The following FRMPD4 variants were observed in gnomAD, a reference collection of about 807,000 sequenced individuals.
FRMPD4 encodes the protein FERM and PDZ domain containing 4.
In FRMPD4, 22 loss-of-function variants were observed where a neutral mutation model predicts 94.1. The ratio of observed to expected loss-of-function variants is 0.23; its 90% CI spans 0.17 to 0.33. FRMPD4 has a LOEUF of 0.33. FRMPD4 is among the 10% of genes least tolerant of loss of function. The pLI is 1.00. For synonymous variants in FRMPD4, 631 were observed against 548.6 expected, an observed-to-expected ratio of 1.15 and a Z score of -2.10; for missense variants, 1,111 against 1,339.9, an observed-to-expected ratio of 0.83 and a Z score of 2.67.
intron 3 of FRMPD4, among the ~76,000 whole-genome samples, chrX:11,967,572 T>C (rs757559712): frequency 9.0e-6 from 1 of 111,576 alleles, no homozygotes; most frequent in African/African-American, 3.2e-5. Context: ...TAGGATCTGA[T>C]CATTTGCATT....
chrX:12,599,921 AAG>A (rs1491391003), intron 2 of FRMPD4, among the ~76,000 whole-genome samples: 22 of 83,220 alleles, frequency 2.6e-4, no homozygotes, highest in African/African-American at 1.7e-3. Context: ...AATATATGTT[AAG>A]AGGTGTTGAA....
At chrX:12,604,861 T>C (rs1309985028) in intron 2 of FRMPD4, among the ~76,000 whole-genome samples, 2 of 111,448 alleles carry the variant, frequency 1.8e-5, no homozygotes, top group African/African-American at 6.5e-5. Context: ...TTCCCCTCTA[T>C]GTGTCCATGT....
At chrX:11,954,596 G>T (rs1569131955) in intron 3 of FRMPD4, among the ~76,000 whole-genome samples, 1 of 111,577 alleles carries the variant, frequency 9.0e-6, no homozygotes. Flanking sequence ...GAGGGAAAAA[G>T]GTTAATTTTT....
At chrX:12,390,387 A>G (rs999211159) in intron 1 of FRMPD4, among the ~76,000 whole-genome samples, 1 of 112,581 alleles carries the variant, frequency 8.9e-6, no homozygotes, top group Non-Finnish European at 1.9e-5. Context: ...TGTTCGTGAG[A>G]TGATCACTTT....
At chrX:12,414,692 A>C (rs1256496254) in intron 1 of FRMPD4, among the ~76,000 whole-genome samples, 1 of 111,860 alleles carries the variant, frequency 8.9e-6, no homozygotes, top group Non-Finnish European at 1.9e-5. Context: ...AGGGAGCCCA[A>C]AAATAATGAA....
intron 2 of FRMPD4, among the ~76,000 whole-genome samples, chrX:12,547,011 T>TAAAA (rs57946725): frequency 1.0e-3 from 34 of 33,767 alleles, no homozygotes; most frequent in African/African-American, 3.5e-3. Flanking sequence ...ACTGTCTCTT[T>TAAAA]AAAAAAAAAA....
chrX:12,326,970 A>T (rs1319930661), intron 1 of FRMPD4, among the ~76,000 whole-genome samples: 3 of 110,948 alleles, frequency 2.7e-5, no homozygotes, highest in Non-Finnish European at 5.7e-5. Context: ...TCAAAAAAAA[A>T]TTAATTTCCA....
chrX:12,039,464 A>G lies in FRMPD4; in HGVS notation c.95+161446A>G, dbSNP rs1302558799. On this transcript the variant is annotated intron_variant, in intron 3 of 18. Transcript: ENST00000640291. The stretch of plus-strand genomic sequence containing the variant: ...CCTGATTTTGTCTTAATTCAGCTCA[A>G]ATACTTTCTAATTTTCCTTTTTATT... 9.9e-5 allele frequency among the ~76,000 whole-genome samples: 11 copies of G among 110,781 alleles called. No individual in the cohort carries two copies. The Admixed American group carries it at 1.1e-3, about 11-fold the overall frequency.
intron 1 of FRMPD4, among the ~76,000 whole-genome samples, chrX:12,426,161 T>C (rs1460315350): frequency 1.8e-5 from 2 of 112,288 alleles, no homozygotes; most frequent in African/African-American, 6.5e-5. Context: ...ACTAGAGGGA[T>C]TGATCCCTCT....
At position 12,250,985 on chromosome X, in the gene FRMPD4, C is replaced by T. The variant is rs182025346; in HGVS notation, c.41+111973C>T. On this transcript the variant is annotated intron_variant, in intron 1 of 16. Coordinates refer to ENST00000675598, the MANE Select transcript of FRMPD4 (RefSeq NM_001368397.1). ...CCAGCTGAGTTTTGTTGTTCCCCTG[C>T]TTAAAACTAACTTTACTATGAGCAC... Among the ~76,000 whole-genome samples the T allele has an allele frequency of 4.5e-5, 5 of 112,160 alleles. No homozygotes were observed. The East Asian group carries it at 1.1e-3, about 25-fold the overall frequency.
chrX:12,563,027 A>G (rs1242301006), intron 2 of FRMPD4, among the ~76,000 whole-genome samples: 1 of 111,449 alleles, frequency 9.0e-6, no homozygotes, highest in Admixed American at 9.6e-5. Context: ...TGTTAAAAAT[A>G]TTTTAACAAC....
rs924753947 is a variant in FRMPD4, at chrX:11,849,966, A to G, written c.-160-15120A>G. ...ATTTAAAACATCTGTGCATCAAAGGACACAATCAACAGAATGGAAAGCCAA... is the reference window on the plus strand; with the variant it reads ...ATTTAAAACATCTGTGCATCAAAGGGCACAATCAACAGAATGGAAAGCCAA... On this transcript the variant is annotated intron_variant, in intron 1 of 18. Coordinates refer to the FRMPD4 transcript ENST00000640291. Among the ~76,000 whole-genome samples the G allele has an allele frequency of 1.5e-4, 17 of 112,168 alleles. No homozygotes were observed. The Admixed American group carries it at 1.5e-3, about 10-fold the overall frequency.
intron 1 of FRMPD4, among the ~76,000 whole-genome samples, chrX:12,153,627 T>C (rs911475078): frequency 8.9e-6 from 1 of 112,523 alleles, no homozygotes; most frequent in Non-Finnish European, 1.9e-5. Context: ...GGCTAGCTAT[T>C]ATAGGTATAT....
intron 1 of FRMPD4, among the ~76,000 whole-genome samples, chrX:12,304,034 A>G (rs1268675735): frequency 8.9e-6 from 1 of 112,337 alleles, no homozygotes; most frequent in Non-Finnish European, 1.9e-5. Context: ...GATCACTGTC[A>G]TCTAGGCAAT....
In FRMPD4 at chrX:12,392,510, C is replaced by T. The variant is rs145015668; in HGVS notation, c.42-106170C>T. ...TACAAAAACAATACAAAAATTAGCC[C>T]GGCGTGGCGGTGCTTGCCTGTAGTC... On this transcript the variant is annotated intron_variant, in intron 1 of 16. Transcript: ENST00000675598. Among the ~76,000 whole-genome samples the T allele has an allele frequency of 9.2e-3, 993 of 108,400 alleles. 3 individuals carry two copies. The highest frequency in any genetic ancestry group is 0.024 in the Middle Eastern group (5 of 209). 94.1% of individuals were successfully genotyped at this position (108,400 alleles called of 115,157 possible). A position where few individuals can be genotyped will look rare whatever the true frequency, so the allele number is the denominator to read the frequency against.
At chrX:12,132,722 C>T (rs2055562937) in intron 3 of FRMPD4, among the ~76,000 whole-genome samples, 1 of 111,079 alleles carries the variant, frequency 9.0e-6, no homozygotes, top group Admixed American at 9.6e-5. Context: ...AGGGAATGGT[C>T]AGCTGTGTCA....
intron 3 of FRMPD4, among the ~76,000 whole-genome samples, chrX:11,903,238 T>G (rs1463522989): frequency 8.9e-6 from 1 of 112,569 alleles, no homozygotes; most frequent in Non-Finnish European, 1.9e-5. Flanking sequence ...GAGCATAGGC[T>G]TTAACCCCCA....
At chrX:12,468,145 C>T (rs916224139) in intron 1 of FRMPD4, among the ~76,000 whole-genome samples, 8 of 112,006 alleles carry the variant, frequency 7.1e-5, no homozygotes, top group African/African-American at 2.6e-4. Flanking sequence ...TAGACTTACC[C>T]TACACATCAT....
chrX:12,156,620 G>T (rs749758925), intron 1 of FRMPD4, among the ~76,000 whole-genome samples: 23 of 111,913 alleles, frequency 2.1e-4, no homozygotes, highest in Non-Finnish European at 3.8e-4. Context: ...AACTGAAAAG[G>T]TCTTTTCATG....
Sources: allele counts gnomAD v4.1 joint callset (sites outside exome capture counted in the v4.1 genomes callset), GRCh38; gene constraint gnomAD v4.1.1; transcripts MANE v1.5; gene names NCBI Gene and HGNC (gene_info 2026-07-23, HGNC 2026-07-21).